MINDY4: variants seen among roughly 807,000 people sequenced by gnomAD.
MINDY4 encodes the protein MINDY lysine 48 deubiquitinase 4.
In MINDY4, 68 loss-of-function variants were observed where a neutral mutation model predicts 87.0. The observed-to-expected ratio is 0.78, with a 90% CI of 0.64 to 0.96. The LOEUF (loss-of-function observed/expected upper bound fraction) is 0.96. Ranked by LOEUF, MINDY4 falls within the 40% of genes least tolerant of loss-of-function variation. The pLI is 0.00. For synonymous variants in MINDY4, 379 were observed against 363.2 expected, an observed-to-expected ratio of 1.04 and a Z score of -0.50; for missense variants, 919 against 928.2, an observed-to-expected ratio of 0.99 and a Z score of 0.13.
intron 15 of MINDY4, among the ~76,000 whole-genome samples, chr7:30,881,037 C>T (rs1308853606): frequency 6.6e-6 from 1 of 152,172 alleles, no homozygotes; most frequent in Admixed American, 6.5e-5. Context: ...AAATAATTCC[C>T]ATTCTTTCTT....
chr7:30,863,434 G>T (rs1184703201), intron 13 of MINDY4, among the ~76,000 whole-genome samples: 1 of 152,226 alleles, frequency 6.6e-6, no homozygotes. Flanking sequence ...TGGTGGTTGT[G>T]TTGGAGATTG....
chr7:30,791,437 C>T lies in MINDY4; in HGVS notation c.936C>T (p.Asp312=), dbSNP rs764738856. ...DRARPRDPSE[D]TPAVDGSTDT... is the part of the protein sequence containing the mutation. The stretch of plus-strand genomic sequence containing the variant: ...CCAGGCCGAGGGATCCCTCCGAGGA[C>T]ACCCCAGCAGTGGACGGCAGCACAG... The change falls in exon 5 of 18, where the codon GAC becomes GAT. Residue 312 remains aspartate (D), a synonymous_variant. Transcript: ENST00000265299. The T allele has an allele frequency of 5.6e-6, 9 of 1,614,088 alleles. No homozygotes were observed. The highest frequency in any genetic ancestry group is 4.2e-6 in the Non-Finnish European group (5 of 1,180,006).
intron 15 of MINDY4, among the ~76,000 whole-genome samples, chr7:30,880,445 C>T (rs1270812288): frequency 2.6e-5 from 4 of 152,114 alleles, no homozygotes; most frequent in East Asian, 1.9e-4. Flanking sequence ...AGTCTGTGGG[C>T]AGCTTTTTTC....
intron 15 of MINDY4, among the ~76,000 whole-genome samples, chr7:30,877,871 G>T (rs1402338491): frequency 8.2e-6 from 1 of 121,426 alleles, no homozygotes; most frequent in Admixed American, 9.5e-5. Flanking sequence ...GTAGAGATGG[G>T]GTTTCACCAT....
intron 17 of MINDY4, 96 bp from the exon 18 acceptor site, chr7:30,891,861 A>G (rs1406773722): frequency 2.3e-6 from 3 of 1,288,454 alleles, no homozygotes; most frequent in Non-Finnish European, 3.4e-6. Context: ...AAAGCCTCCA[A>G]GACAAAACCT....
intron 17 of MINDY4, among the ~76,000 whole-genome samples, chr7:30,889,378 C>T (rs544504157): frequency 1.3e-5 from 2 of 152,324 alleles, no homozygotes; most frequent in East Asian, 3.9e-4. Context: ...CTGCTTACCT[C>T]CAGAACCTGC....
At chr7:30,798,061 G>A (rs1431362538) in intron 5 of MINDY4, among the ~76,000 whole-genome samples, 1 of 152,156 alleles carries the variant, frequency 6.6e-6, no homozygotes, top group African/African-American at 2.4e-5. Context: ...ATCATAGAGT[G>A]TACTTACACT....
chr7:30,879,552 C>G (rs373526363), intron 15 of MINDY4, among the ~76,000 whole-genome samples: 1 of 152,228 alleles, frequency 6.6e-6, no homozygotes, highest in Non-Finnish European at 1.5e-5. Context: ...CACCTCAGCC[C>G]GCACCACTCT....
At chr7:30,854,505 C>A (rs1453940528) in intron 12 of MINDY4, among the ~76,000 whole-genome samples, 2 of 151,998 alleles carry the variant, frequency 1.3e-5, no homozygotes, top group African/African-American at 4.8e-5. Context: ...GAGACCCCCA[C>A]TACGAAGCAG....
intron 6 of MINDY4, among the ~76,000 whole-genome samples, chr7:30,830,942 A>G (rs1788683590): frequency 6.6e-6 from 1 of 152,130 alleles, no homozygotes; most frequent in Non-Finnish European, 1.5e-5. Context: ...TGAAATGAAG[A>G]CTGGGCTGGG....
chr7:30,772,768 A>G (rs1174994162), intron 1 of MINDY4, among the ~76,000 whole-genome samples: 1 of 152,086 alleles, frequency 6.6e-6, no homozygotes, highest in Non-Finnish European at 1.5e-5. Flanking sequence ...TCCTGGCTGC[A>G]TGTTGGATAT....
chr7:30,854,680 G>A (rs1789519608), intron 12 of MINDY4, among the ~76,000 whole-genome samples: 1 of 152,226 alleles, frequency 6.6e-6, no homozygotes, highest in Non-Finnish European at 1.5e-5. Flanking sequence ...CTGGAAATGG[G>A]ACCAGGACTA....
chr7:30,843,395 G>A (rs541621730), intron 9 of MINDY4, among the ~76,000 whole-genome samples: 5 of 152,180 alleles, frequency 3.3e-5, no homozygotes, highest in Non-Finnish European at 7.3e-5. Flanking sequence ...CCAGCTGCTT[G>A]GATCAAGCCT....
At chr7:30,860,761 T>G (rs1789734916) in intron 13 of MINDY4, among the ~76,000 whole-genome samples, 1 of 152,086 alleles carries the variant, frequency 6.6e-6, no homozygotes, top group Non-Finnish European at 1.5e-5. Flanking sequence ...GCTTCAGGGT[T>G]CCATGCCCAG....
At chr7:30,797,359 T>C (rs1263009592) in intron 5 of MINDY4, among the ~76,000 whole-genome samples, 7 of 152,108 alleles carry the variant, frequency 4.6e-5, no homozygotes, top group Non-Finnish European at 1.0e-4. Context: ...AAATAAATCA[T>C]GGAAGAGTGA....
chr7:30,891,135 G>A (rs941537314), intron 17 of MINDY4, among the ~76,000 whole-genome samples: 9 of 152,128 alleles, frequency 5.9e-5, no homozygotes, highest in Non-Finnish European at 1.3e-4. Context: ...ACTGCTGTGA[G>A]ATATTCAACA....
intron 9 of MINDY4, among the ~76,000 whole-genome samples, chr7:30,841,493 G>A (rs910582337): frequency 2.2e-4 from 33 of 152,230 alleles, no homozygotes; most frequent in South Asian, 1.9e-3. Context: ...CAAGATGAAA[G>A]GATTGGCAGG....
chr7:30,882,472 G>A (rs1047382819), intron 16 of MINDY4, 111 bp downstream of exon 16: 69 of 948,556 alleles, frequency 7.3e-5, no homozygotes, highest in Non-Finnish European at 9.4e-5. Context: ...AGAGAGCAGT[G>A]CAGACTCCAG....
At chr7:30,874,169 C>T (rs1318744527) in intron 14 of MINDY4, among the ~76,000 whole-genome samples, 5 of 152,238 alleles carry the variant, frequency 3.3e-5, no homozygotes, top group Admixed American at 6.5e-5. Flanking sequence ...TCACAGGCAG[C>T]GCCAGCTGTG....
Sources: gnomAD v4.1 joint callset for allele counts (sites outside exome capture counted in the v4.1 genomes callset) on GRCh38, gnomAD v4.1.1 for gene constraint, MANE v1.5 for transcripts, NCBI Gene and HGNC (gene_info 2026-07-23, HGNC 2026-07-21) for gene names.